The following PDLIM5 variants were observed in gnomAD, a reference collection of about 807,000 sequenced individuals.
The protein encoded by PDLIM5 is PDZ and LIM domain 5.
In PDLIM5, 34 loss-of-function variants were observed where a neutral mutation model predicts 64.2. That is an observed-to-expected ratio of 0.53 (90% CI 0.40 to 0.71). The LOEUF is 0.71. PDLIM5 is among the 30% of genes least tolerant of loss of function. The pLI, the probability that PDLIM5 is intolerant of heterozygous loss-of-function variation, is 0.00. For missense variants in PDLIM5, 683 were observed against 733.6 expected (o/e 0.93, Z 0.80); for synonymous variants, 253 against 269.1 (o/e 0.94, Z 0.59).
At chr4:94,549,692 T>C (rs1732634291) in intron 3 of PDLIM5, 1 of 152,190 alleles carries the variant, frequency 6.6e-6, no homozygotes, top group Non-Finnish European at 1.5e-5. Context: ...CGTTTGTAGA[T>C]ACTGTACACA....
Position 94,618,033 on chromosome 4 carries a change from C to G in PDLIM5, c.950C>G (p.Ala317Gly), listed in dbSNP as rs759916757. ...NNSQEPSPQL[A>G]SSVASTRSMP... ...TCTCAGGAGCCTTCTCCGCAGTTGGCTTCCTCGGTAGCTTCCACACGGAGC... is the reference window on the plus strand; with the variant it reads ...TCTCAGGAGCCTTCTCCGCAGTTGGGTTCCTCGGTAGCTTCCACACGGAGC... Residue 317 changes from alanine to glycine, a missense_variant, in exon 8 of 13, where the codon GCT becomes GGT. Coordinates refer to ENST00000317968, the MANE Select transcript of PDLIM5 (RefSeq NM_006457.5). The G allele has an allele frequency of 1.1e-5, 17 of 1,584,724 alleles. No homozygotes were observed. The East Asian group carries it at 3.9e-4, about 36-fold the overall frequency.
rs536592666 is a variant in PDLIM5 at position 94,647,313 on chromosome 4, A to G, written c.1283+6863A>G. 2.0e-5 allele frequency among the ~76,000 whole-genome samples: 3 copies of G among 152,286 alleles called. No homozygotes were observed. In the South Asian group the frequency reaches 6.2e-4, roughly 32 times the overall value. The stretch of plus-strand genomic sequence containing the variant: ...CAAGTAAAAGTATAGAAAAAAATAT[A>G]TTATGCAAATAGTAACCAAAAGAGA... On this transcript the variant is annotated intron_variant, in intron 9 of 12. Transcript: ENST00000317968.
At position 94,653,768 on chromosome 4, in the gene PDLIM5, G is replaced by T. The variant is rs148432837; in HGVS notation, c.1284-692G>T. 1.4e-4 allele frequency among the ~76,000 whole-genome samples: 22 copies of T among 152,128 alleles called. 1 individual carries two copies. In the East Asian group the frequency reaches 4.1e-3, roughly 28 times the overall value. ...GTTAAGAGAGTGGATCTCATTTTAA[G>T]GGTTCTTACCACAATAAAATTAAAT... On this transcript the variant is annotated intron_variant, in intron 9 of 12. Coordinates refer to ENST00000317968, the MANE Select transcript of PDLIM5 (RefSeq NM_006457.5).
At position 94,666,204 on chromosome 4, in the gene PDLIM5, C is replaced by G; in HGVS notation, c.*2137C>G. 1 of 526,178 alleles carries G rather than the reference C, an allele frequency of 1.9e-6. No individual in the cohort carries two copies. Among genetic ancestry groups the G allele is most frequent in the Non-Finnish European group, 3.3e-6 (1 of 303,832 alleles). The allele number at this position is 526,178 out of a possible 1,614,324, so 32.6% of individuals were successfully genotyped here. On this transcript the variant is annotated 3_prime_UTR_variant, in exon 13 of 13. Transcript: ENST00000317968. Reference sequence around the variant, plus strand: ...TTAGGCTACAATATTTGTTTAACCTCCCTAAGAACTTTCAAGGCATCTGTC... The same window carrying G: ...TTAGGCTACAATATTTGTTTAACCTGCCTAAGAACTTTCAAGGCATCTGTC...
intron 3 of PDLIM5, among the ~76,000 whole-genome samples, chr4:94,537,150 T>A (rs564207972): frequency 2.0e-5 from 3 of 152,334 alleles, no homozygotes; most frequent in South Asian, 2.1e-4. Flanking sequence ...TTATGAACTT[T>A]TAATTTCTTG....
At chr4:94,567,528 T>C (rs965351482) in intron 3 of PDLIM5, among the ~76,000 whole-genome samples, 1 of 151,478 alleles carries the variant, frequency 6.6e-6, no homozygotes, top group African/African-American at 2.4e-5. Context: ...TTTTCATTCC[T>C]AAAGATAGTA....
At chr4:94,601,940 T>C (rs75142340) in intron 7 of PDLIM5, among the ~76,000 whole-genome samples, 2 of 152,210 alleles carry the variant, frequency 1.3e-5, no homozygotes, top group African/African-American at 4.8e-5. Flanking sequence ...AAAATACTTA[T>C]TTTTTTCACA....
chr4:94,518,373 T>C (rs1729547029), intron 2 of PDLIM5, among the ~76,000 whole-genome samples: 2 of 152,200 alleles, frequency 1.3e-5, no homozygotes, highest in African/African-American at 4.8e-5. Flanking sequence ...AAGTTTTCCA[T>C]TTAGTGCACA....
chr4:94,527,046 C>CTTTTTTTTTTTT (rs57625095), intron 3 of PDLIM5, among the ~76,000 whole-genome samples: 4 of 57,810 alleles, frequency 6.9e-5, no homozygotes, highest in Non-Finnish European at 1.3e-4. Context: ...GAACAGCATT[C>CTTTTTTTTTTTT]TTTTTTTTTT....
intron 7 of PDLIM5, among the ~76,000 whole-genome samples, chr4:94,604,501 G>A (rs983464016): frequency 3.9e-5 from 6 of 152,178 alleles, no homozygotes; most frequent in Non-Finnish European, 7.3e-5. Context: ...AGGCGTGGTG[G>A]CACGTACCTG....
chr4:94,455,561 A>G lies in PDLIM5; in HGVS notation c.96+177A>G. On this transcript the variant is annotated intron_variant, in intron 2 of 12. Coordinates refer to ENST00000317968, the MANE Select transcript of PDLIM5 (RefSeq NM_006457.5). ...GAGGGGAGTAGATTTAGCAAGGATA[A>G]CTGACTTCAATTTAACTTCTTTTCG... is the stretch of plus-strand genomic sequence containing the variant. 7.8e-6 allele frequency: 5 copies of G among 636,986 alleles called. No individual in the cohort carries two copies. In the South Asian group the frequency reaches 9.8e-5, roughly 13 times the overall value. The allele number at this position is 636,986 out of a possible 1,614,324, so 39.5% of individuals were successfully genotyped here.
chr4:94,652,610 C>G (rs921681439), intron 9 of PDLIM5, among the ~76,000 whole-genome samples: 9 of 152,102 alleles, frequency 5.9e-5, no homozygotes, highest in Non-Finnish European at 1.0e-4. Context: ...GGACCACTTA[C>G]CAAAAGTAAT....
intron 8 of PDLIM5, among the ~76,000 whole-genome samples, chr4:94,630,913 G>T (rs947915228): frequency 1.3e-5 from 2 of 152,076 alleles, no homozygotes; most frequent in African/African-American, 4.8e-5. Context: ...CTTAGCAAAA[G>T]TATTAGATCT....
intron 8 of PDLIM5, among the ~76,000 whole-genome samples, chr4:94,632,407 A>G (rs1468189622): frequency 1.3e-5 from 2 of 152,202 alleles, no homozygotes; most frequent in African/African-American, 2.4e-5. Flanking sequence ...TCACTCTTCA[A>G]AACTTTTTAC....
At chr4:94,614,858 A>G (rs1408710794) in intron 7 of PDLIM5, among the ~76,000 whole-genome samples, 2 of 152,218 alleles carry the variant, frequency 1.3e-5, no homozygotes, top group Admixed American at 6.5e-5. Context: ...TTAAAACTGA[A>G]TTGAGGAAGC....
At chr4:94,643,073 T>G (rs1322444529) in intron 9 of PDLIM5, among the ~76,000 whole-genome samples, 1 of 152,140 alleles carries the variant, frequency 6.6e-6, no homozygotes, top group Non-Finnish European at 1.5e-5. Context: ...TTTATTTTTT[T>G]TTTTTCAGCA....
chr4:94,455,480 T>C (rs376798289), intron 2 of PDLIM5, 96 bp downstream of exon 2: 2 of 808,838 alleles, frequency 2.5e-6, no homozygotes, highest in East Asian at 2.6e-5. Context: ...ACTCTACTTA[T>C]TATCATTGCT....
chr4:94,577,462 T>C (rs1735375212), intron 5 of PDLIM5: 1 of 379,914 alleles, frequency 2.6e-6, no homozygotes, highest in Admixed American at 3.0e-5. Flanking sequence ...CTTTCTAAAG[T>C]TCTGATATAT....
chr4:94,597,246 C>T (rs1737136089), intron 7 of PDLIM5, among the ~76,000 whole-genome samples: 1 of 152,088 alleles, frequency 6.6e-6, no homozygotes, highest in Admixed American at 6.6e-5. Flanking sequence ...GAACTTGAAG[C>T]TTTAATACAG....
Sources: gnomAD v4.1 joint callset for allele counts (sites outside exome capture counted in the v4.1 genomes callset) on GRCh38, gnomAD v4.1.1 for gene constraint, MANE v1.5 for transcripts, NCBI Gene and HGNC (gene_info 2026-07-23, HGNC 2026-07-21) for gene names.